Variants in CYRIA observed in about 807,000 individuals in gnomAD.
CYRIA encodes CYFIP related Rac1 interactor A.
A neutral mutation model predicts 43.9 loss-of-function variants in CYRIA; 15 were observed. That is an observed-to-expected ratio of 0.34 (90% confidence interval 0.23 to 0.53). CYRIA has a LOEUF of 0.53. Among genes scored for constraint, CYRIA ranks in the 20% least tolerant of loss-of-function variants. The pLI is 0.94. For synonymous variants in CYRIA, 117 were observed against 136.0 expected, an observed-to-expected ratio of 0.86 and a Z score of 0.97; for missense variants, 236 against 394.2, an observed-to-expected ratio of 0.60 and a Z score of 3.40.
chr2:16,610,921 TATATATATATATATATC>T (rs1558425607), intron 2 of CYRIA, among the ~76,000 whole-genome samples: 12 of 64,802 alleles, frequency 1.9e-4, no homozygotes, highest in African/African-American at 8.3e-4. Flanking sequence ...TATATATATA[TATATATATATATATATC>T]CTGTATATCT....
At chr2:16,563,002 A>G (rs1484392313) in intron 5 of CYRIA, among the ~76,000 whole-genome samples, 4 of 152,164 alleles carry the variant, frequency 2.6e-5, no homozygotes, top group Non-Finnish European at 4.4e-5. Context: ...TTCTTACATA[A>G]CTTTTATAGC....
rs1201871484 is a variant in CYRIA, at chr2:16,561,082, C to T, written c.631-13G>A. The T allele has an allele frequency of 6.2e-7, 1 of 1,613,042 alleles. No individual in the cohort carries two copies. Among genetic ancestry groups the T allele is most frequent in the Non-Finnish European group, 8.5e-7 (1 of 1,179,266 alleles). On this transcript the variant is annotated splice_polypyrimidine_tract_variant and intron_variant, in intron 8 of 11. Coordinates refer to ENST00000381323, the MANE Select transcript of CYRIA (RefSeq NM_030797.4). Reference sequence around the variant, plus strand: ...GCAGAGTTTTGTTCTAAATGGGAGACACAAATGTACATTAGTCCTGCTTGC... The same window carrying T: ...GCAGAGTTTTGTTCTAAATGGGAGATACAAATGTACATTAGTCCTGCTTGC...
At chr2:16,583,344 T>G (rs945354301) in intron 3 of CYRIA, among the ~76,000 whole-genome samples, 3 of 152,210 alleles carry the variant, frequency 2.0e-5, no homozygotes, top group Non-Finnish European at 4.4e-5. Context: ...ATGGGTTAGC[T>G]TCCCTGTTGT....
chr2:16,658,266 G>A (rs2103556446), intron 1 of CYRIA, among the ~76,000 whole-genome samples: 1 of 152,260 alleles, frequency 6.6e-6, no homozygotes, highest in African/African-American at 2.4e-5. Flanking sequence ...GACAATTCAG[G>A]AATGTGTTGT....
chr2:16,610,936 A>ATATATATC (rs1213859384), intron 2 of CYRIA, among the ~76,000 whole-genome samples: 4 of 127,942 alleles, frequency 3.1e-5, no homozygotes, highest in South Asian at 4.9e-4. Flanking sequence ...ATATATATAT[A>ATATATATC]TCCTGTATAT....
intron 1 of CYRIA, among the ~76,000 whole-genome samples, chr2:16,649,284 G>A (rs1398433314): frequency 6.6e-6 from 1 of 152,108 alleles, no homozygotes; most frequent in African/African-American, 2.4e-5. Context: ...CTTGGGAGAG[G>A]GATGGTCTCT....
intron 2 of CYRIA, among the ~76,000 whole-genome samples, chr2:16,608,814 C>A (rs1161894829): frequency 6.6e-6 from 1 of 152,152 alleles, no homozygotes; most frequent in Non-Finnish European, 1.5e-5. Flanking sequence ...AGCAATAAAT[C>A]CTGCACTGTT....
chr2:16,622,623 T>C (rs1288560052), intron 2 of CYRIA, among the ~76,000 whole-genome samples: 1 of 152,202 alleles, frequency 6.6e-6, no homozygotes, highest in Non-Finnish European at 1.5e-5. Flanking sequence ...ACATGGAGTG[T>C]ACTATCCCTA....
chr2:16,572,441 A>T (rs1428249059), intron 3 of CYRIA, among the ~76,000 whole-genome samples: 2 of 152,196 alleles, frequency 1.3e-5, no homozygotes, highest in Non-Finnish European at 2.9e-5. Flanking sequence ...TACTAGACAA[A>T]AAGACATCTG....
intron 2 of CYRIA, among the ~76,000 whole-genome samples, chr2:16,592,825 G>C (rs1667975288): frequency 6.6e-6 from 1 of 152,086 alleles, no homozygotes; most frequent in African/African-American, 2.4e-5. Context: ...ACAAAAAGCT[G>C]TACTTCTCTA....
At chr2:16,608,716 G>C (rs1037045197) in intron 2 of CYRIA, among the ~76,000 whole-genome samples, 2 of 152,210 alleles carry the variant, frequency 1.3e-5, no homozygotes, top group African/African-American at 4.8e-5. Context: ...CATCTGGCAT[G>C]CAGTAGGTCC....
chr2:16,566,251 C>T (rs956852185), intron 3 of CYRIA, among the ~76,000 whole-genome samples: 2 of 152,140 alleles, frequency 1.3e-5, no homozygotes, highest in Non-Finnish European at 2.9e-5. Context: ...TAATGTTGTA[C>T]AACCATCGCC....
At chr2:16,609,543 C>A (rs1157109240) in intron 2 of CYRIA, among the ~76,000 whole-genome samples, 1 of 152,156 alleles carries the variant, frequency 6.6e-6, no homozygotes, top group Admixed American at 6.5e-5. Context: ...CATAGATTTT[C>A]TTTGTATATT....
chr2:16,586,215 A>C (rs888719192), intron 3 of CYRIA, among the ~76,000 whole-genome samples: 8 of 152,082 alleles, frequency 5.3e-5, no homozygotes, highest in African/African-American at 1.9e-4. Context: ...ACACGTTACC[A>C]CTATTTTGGC....
chr2:16,562,310 T>A (rs1223847505), intron 5 of CYRIA, among the ~76,000 whole-genome samples, 169 bp from the exon 6 acceptor site: 1 of 152,152 alleles, frequency 6.6e-6, no homozygotes, highest in Non-Finnish European at 1.5e-5. Flanking sequence ...GAATCCCACA[T>A]GGCTGGGCAG....
At chr2:16,587,131 C>T (rs1450613624) in intron 3 of CYRIA, among the ~76,000 whole-genome samples, 1 of 151,946 alleles carries the variant, frequency 6.6e-6, no homozygotes, top group Non-Finnish European at 1.5e-5. Flanking sequence ...TGTCAAAATC[C>T]TGAAGTGGTT....
intron 3 of CYRIA, among the ~76,000 whole-genome samples, chr2:16,572,301 A>G (rs949171171): frequency 2.6e-5 from 4 of 151,738 alleles, no homozygotes; most frequent in South Asian, 4.2e-4. Flanking sequence ...GATTTAAAGC[A>G]CTTAAAAAGC....
rs542023246 is a variant in CYRIA, at chr2:16,577,536, T to C, written c.70+10514A>G. 2.0e-5 allele frequency among the ~76,000 whole-genome samples: 3 copies of C among 152,298 alleles called. No individual in the cohort carries two copies. The East Asian group carries it at 5.8e-4, about 29-fold the overall frequency. ...TATAATCCATAAGGTGACAAGACTT[T>C]CCTAGGAGATATGACACCACAGGTG... On this transcript the variant is annotated intron_variant, in intron 3 of 11. Coordinates refer to ENST00000381323, the MANE Select transcript of CYRIA (RefSeq NM_030797.4).
At chr2:16,610,101 A>T (rs1237442012) in intron 2 of CYRIA, among the ~76,000 whole-genome samples, 1 of 152,216 alleles carries the variant, frequency 6.6e-6, no homozygotes, top group Non-Finnish European at 1.5e-5. Flanking sequence ...AATAATAATA[A>T]CTTCCACAGA....
Sources: allele counts gnomAD v4.1 joint callset (sites outside exome capture counted in the v4.1 genomes callset), GRCh38; gene constraint gnomAD v4.1.1; transcripts MANE v1.5; gene names NCBI Gene and HGNC (gene_info 2026-07-23, HGNC 2026-07-21).